Variants in EYA2 observed in about 807,000 individuals in gnomAD.
EYA2 encodes EYA transcriptional coactivator and phosphatase 2.
Under a neutral mutation model 69.2 loss-of-function variants are expected in EYA2, and 31 were observed. That is an observed-to-expected ratio of 0.45 (90% CI 0.34 to 0.60). The LOEUF (loss-of-function observed/expected upper bound fraction) is 0.60, where lower values mean the gene tolerates loss of function less well. Among genes scored for constraint, EYA2 ranks in the 20% least tolerant of loss-of-function variants. EYA2 has a pLI of 0.02. For synonymous variants in EYA2, 257 were observed against 279.4 expected (o/e 0.92, Z 0.80); for missense variants, 622 against 701.2 (o/e 0.89, Z 1.28).
chr20:47,025,045 T>C (rs897929256), intron 5 of EYA2, among the ~76,000 whole-genome samples: 1 of 152,248 alleles, frequency 6.6e-6, no homozygotes, highest in African/African-American at 2.4e-5. Flanking sequence ...AATTTTGCAA[T>C]TCCTGCCAAT....
chr20:47,127,409 G>T (rs1377832446), intron 9 of EYA2, among the ~76,000 whole-genome samples: 2 of 152,134 alleles, frequency 1.3e-5, no homozygotes, highest in Non-Finnish European at 2.9e-5. Context: ...TTCGAGACCA[G>T]CCTGGCCAAC....
intron 9 of EYA2, among the ~76,000 whole-genome samples, chr20:47,130,214 T>C (rs1203987754): frequency 6.6e-6 from 1 of 151,170 alleles, no homozygotes; most frequent in Non-Finnish European, 1.5e-5. Context: ...ATGAATGTAG[T>C]ATCCTAACTG....
At chr20:47,152,416 T>G (rs935923659) in intron 10 of EYA2, among the ~76,000 whole-genome samples, 1 of 151,296 alleles carries the variant, frequency 6.6e-6, no homozygotes, top group Non-Finnish European at 1.5e-5. Flanking sequence ...GAGTGGGCAT[T>G]CTGAATGTTC....
chr20:46,919,689 C>T (rs902751650), intron 1 of EYA2, among the ~76,000 whole-genome samples: 1 of 152,238 alleles, frequency 6.6e-6, no homozygotes, highest in Non-Finnish European at 1.5e-5. Flanking sequence ...TCTTATCACT[C>T]GTGTGTTCAC....
chr20:47,141,544 T>C (rs916869694), intron 9 of EYA2, among the ~76,000 whole-genome samples: 4 of 152,214 alleles, frequency 2.6e-5, no homozygotes, highest in Admixed American at 6.5e-5. Context: ...AAGGGCATGC[T>C]GCAGTAACAA....
intron 12 of EYA2, among the ~76,000 whole-genome samples, chr20:47,174,620 A>T (rs1467566401): frequency 1.3e-5 from 2 of 152,222 alleles, no homozygotes; most frequent in East Asian, 1.9e-4. Flanking sequence ...CCACGTGCTA[A>T]GCGCGGTCCT....
intron 5 of EYA2, among the ~76,000 whole-genome samples, chr20:47,043,464 G>T (rs948836448): frequency 2.0e-5 from 3 of 152,164 alleles, no homozygotes; most frequent in African/African-American, 7.2e-5. Context: ...CTCCCTGGCT[G>T]CCCGTGGTCA....
chr20:47,128,264 G>A (rs1415120552), intron 9 of EYA2, among the ~76,000 whole-genome samples: 1 of 152,166 alleles, frequency 6.6e-6, no homozygotes, highest in Non-Finnish European at 1.5e-5. Flanking sequence ...TTCATATCAA[G>A]TCCAGGAAAT....
chr20:47,086,597 G>A (rs1229841160), intron 7 of EYA2, among the ~76,000 whole-genome samples: 3 of 152,060 alleles, frequency 2.0e-5, no homozygotes, highest in Non-Finnish European at 4.4e-5. Flanking sequence ...CACTCACTGT[G>A]CGGTACCCGG....
chr20:47,108,248 A>G (rs1377374762), intron 9 of EYA2, among the ~76,000 whole-genome samples: 1 of 152,202 alleles, frequency 6.6e-6, no homozygotes, highest in Non-Finnish European at 1.5e-5. Context: ...GCTTGGTGCC[A>G]TTCTTGCAGG....
intron 9 of EYA2, among the ~76,000 whole-genome samples, chr20:47,121,948 A>G (rs2033057156): frequency 6.6e-6 from 1 of 152,136 alleles, no homozygotes. Context: ...CAGACATCAC[A>G]CTGAGGGCAT....
intron 8 of EYA2, among the ~76,000 whole-genome samples, chr20:47,090,285 G>C (rs1299119324): frequency 1.4e-5 from 2 of 146,798 alleles, no homozygotes; most frequent in Non-Finnish European, 3.0e-5. Context: ...CATCACCCAG[G>C]CTGGAGTGCA....
In EYA2 at chr20:47,117,512, G is replaced by A. The variant is rs895847924; in HGVS notation, c.888+20344G>A. On this transcript the variant is annotated intron_variant, in intron 9 of 15. Transcript: ENST00000327619. ...CCACAGTCCTCCCCGATTCCTCCGCGGGTGTTATTACGTGATTCCGGCTTG... is the reference window on the plus strand; with the variant it reads ...CCACAGTCCTCCCCGATTCCTCCGCAGGTGTTATTACGTGATTCCGGCTTG... 9 of 985,374 alleles carry A rather than the reference G, an allele frequency of 9.1e-6. No homozygotes were observed. The African/African-American group carries it at 1.2e-4, about 13-fold the overall frequency. The allele number at this position is 985,374 out of a possible 1,614,324, so 61.0% of individuals were successfully genotyped here.
chr20:47,016,383 T>A lies in EYA2; in HGVS notation c.415+86T>A, dbSNP rs1983414975. On this transcript the variant is annotated intron_variant, in intron 5 of 15. Transcript: ENST00000327619. ...CATTCATTCATTCATTCAGCAGATT[T>A]TTTGAGCACCTACTATGTGCCAGGC... 5 of 1,007,894 alleles carry A rather than the reference T, an allele frequency of 5.0e-6. No individual in the cohort carries two copies. In the Middle Eastern group the frequency reaches 1.1e-3, roughly 221 times the overall value. 62.4% of individuals were successfully genotyped at this position (1,007,894 alleles called of 1,614,324 possible).
chr20:47,015,870 T>C (rs923011433), intron 4 of EYA2, among the ~76,000 whole-genome samples: 1 of 152,230 alleles, frequency 6.6e-6, no homozygotes, highest in African/African-American at 2.4e-5. Flanking sequence ...GGGCAGCTTG[T>C]GGTCACATGG....
At chr20:47,134,110 C>A (rs1363366420) in intron 9 of EYA2, among the ~76,000 whole-genome samples, 1 of 152,222 alleles carries the variant, frequency 6.6e-6, no homozygotes, top group Non-Finnish European at 1.5e-5. Context: ...GCCTCTAAAT[C>A]TTTATAGCAG....
chr20:46,981,771 C>A (rs1309964291), intron 1 of EYA2, among the ~76,000 whole-genome samples: 2 of 151,886 alleles, frequency 1.3e-5, no homozygotes, highest in African/African-American at 4.8e-5. Flanking sequence ...ATTATTGAAT[C>A]CTTGCTTTGA....
At chr20:46,980,703 C>G (rs117626127) in intron 1 of EYA2, among the ~76,000 whole-genome samples, 4,580 of 152,234 alleles carry the variant, frequency 0.03, 84 homozygotes, top group Non-Finnish European at 0.045. Context: ...TGAACACTAG[C>G]TCTTATTCCT....
At chr20:46,995,378 C>T (rs1166803835) in intron 2 of EYA2, among the ~76,000 whole-genome samples, 1 of 152,176 alleles carries the variant, frequency 6.6e-6, no homozygotes, top group South Asian at 2.1e-4. Context: ...CTAAAATCAT[C>T]GCAGTCTGGG....
Sources: allele counts gnomAD v4.1 joint callset (sites outside exome capture counted in the v4.1 genomes callset), GRCh38; gene constraint gnomAD v4.1.1; transcripts MANE v1.5; gene names NCBI Gene and HGNC (gene_info 2026-07-23, HGNC 2026-07-21).